Variants in SMPD3 observed in about 807,000 individuals in gnomAD.
SMPD3 encodes the protein nSMase-2.
Under a neutral mutation model 55.7 loss-of-function variants are expected in SMPD3, and 21 were observed. The observed-to-expected ratio is 0.38, with a 90% confidence interval of 0.27 to 0.54. The LOEUF (loss-of-function observed/expected upper bound fraction) is 0.54. SMPD3 is among the 20% of genes least tolerant of loss of function. SMPD3 has a pLI of 0.80. For missense variants in SMPD3, 842 were observed against 899.6 expected (o/e 0.94, Z 0.82); for synonymous variants, 457 against 404.3 (o/e 1.13, Z -1.56).
At chr16:68,446,484 T>TACACACACACAC (rs3978672) in intron 1 of SMPD3, among the ~76,000 whole-genome samples, 2 of 143,772 alleles carry the variant, frequency 1.4e-5, no homozygotes, top group African/African-American at 2.6e-5. Flanking sequence ...GTGGTTCATC[T>TACACACACACAC]ACACACACAC....
intron 7 of SMPD3, 33 bp from the exon 8 acceptor site, chr16:68,361,792 C>CAT: frequency 6.2e-7 from 1 of 1,604,790 alleles, no homozygotes; most frequent in Non-Finnish European, 8.5e-7. Flanking sequence ...GGTGGGCCCC[C>CAT]ATGCCCGCCC....
chr16:68,372,263 G>A lies in SMPD3; in HGVS notation c.-82C>T, dbSNP rs1183508138. The A allele has an allele frequency of 9.7e-6, 15 of 1,546,424 alleles. No individual in the cohort carries two copies. Among genetic ancestry groups the A allele is most frequent in the East Asian group, 9.4e-5 (4 of 42,742 alleles). ...GGCACTTTCCTGGGCGAGGGTGGGC[G>A]AGTTGGGGGCAGCTGGAGGAGGGGT... On this transcript the variant is annotated 5_prime_UTR_variant, in exon 3 of 9. Coordinates refer to ENST00000219334, the MANE Select transcript of SMPD3 (RefSeq NM_018667.4).
Position 68,447,101 on chromosome 16 carries a change from C to T in SMPD3, c.-269+1252G>A, listed in dbSNP as rs1222179542. Among the ~76,000 whole-genome samples, 2 of 151,834 alleles carry T rather than the reference C, an allele frequency of 1.3e-5. No individual in the cohort carries two copies. Among genetic ancestry groups the T allele is most frequent in the Non-Finnish European group, 2.9e-5 (2 of 67,908 alleles). On this transcript the variant is annotated intron_variant, in intron 1 of 8. Transcript: ENST00000219334. The surrounding 1 kb of genome is among the most constrained non-coding windows in gnomAD (Gnocchi z 5.1). ...CCGAAGCCCCCCCTCCGCGGCCGCG[C>T]CCCCCGCCCAGCCCGCGGCGCAGGC...
chr16:68,388,564 A>G (rs757160939), intron 1 of SMPD3, among the ~76,000 whole-genome samples: 1 of 152,094 alleles, frequency 6.6e-6, no homozygotes, highest in Admixed American at 6.5e-5. Context: ...CTGAGTGAGA[A>G]GTTTGTCAAG....
chr16:68,369,520 G>A (rs1339280188), intron 3 of SMPD3: 4 of 152,186 alleles, frequency 2.6e-5, no homozygotes, highest in Admixed American at 6.5e-5. Context: ...GTGGGAGTAA[G>A]GGGCACATCC....
At chr16:68,363,249 C>G (rs890452285) in intron 7 of SMPD3, among the ~76,000 whole-genome samples, 8 of 152,094 alleles carry the variant, frequency 5.3e-5, no homozygotes, top group Non-Finnish European at 1.0e-4. Context: ...CTCCTGAAAA[C>G]AGGTTTGGGA....
intron 1 of SMPD3, among the ~76,000 whole-genome samples, chr16:68,440,971 A>C (rs566079923): frequency 6.6e-6 from 1 of 152,210 alleles, no homozygotes; most frequent in Admixed American, 6.5e-5. Context: ...TCTTTCCTCG[A>C]CATCATTATC....
chr16:68,369,567 C>T (rs1192358351), intron 3 of SMPD3: 1 of 152,254 alleles, frequency 6.6e-6, no homozygotes, highest in Non-Finnish European at 1.5e-5. Flanking sequence ...CCCTTCCTCC[C>T]CAGAAAGTCA....
intron 2 of SMPD3, among the ~76,000 whole-genome samples, chr16:68,374,388 AAATGCCTTT>A (rs2089755100): frequency 6.6e-6 from 1 of 152,196 alleles, no homozygotes; most frequent in African/African-American, 2.4e-5. Flanking sequence ...TCCTCAGGGG[AAATGCCTTT>A]GAAGCCAACA....
chr16:68,395,081 G>A (rs2090143971), intron 1 of SMPD3, among the ~76,000 whole-genome samples: 1 of 151,524 alleles, frequency 6.6e-6, no homozygotes, highest in Non-Finnish European at 1.5e-5. Context: ...TCCTAAGGGG[G>A]CTGGAATTGG....
intron 1 of SMPD3, among the ~76,000 whole-genome samples, chr16:68,430,606 C>G (rs191326912): frequency 8.4e-4 from 128 of 152,238 alleles, no homozygotes; most frequent in Admixed American, 4.1e-3. Flanking sequence ...AAGCACTGGG[C>G]TAATTTCTAG....
intron 1 of SMPD3, among the ~76,000 whole-genome samples, chr16:68,434,607 T>TC (rs1476955319): frequency 2.0e-5 from 3 of 152,220 alleles, no homozygotes; most frequent in Non-Finnish European, 4.4e-5. Flanking sequence ...ACATTTATCG[T>TC]CATAACCATT....
intron 6 of SMPD3, 88 bp from the exon 7 acceptor site, chr16:68,363,647 T>G: frequency 6.8e-7 from 1 of 1,466,992 alleles, no homozygotes; most frequent in Non-Finnish European, 9.4e-7. Context: ...GACACGGGCT[T>G]CTGCTAGCCA....
At chr16:68,426,458 T>C (rs1169609444) in intron 1 of SMPD3, among the ~76,000 whole-genome samples, 1 of 152,204 alleles carries the variant, frequency 6.6e-6, no homozygotes, top group Non-Finnish European at 1.5e-5. Flanking sequence ...CACAGTGGCC[T>C]GGAGCTGACT....
chr16:68,438,553 T>A (rs16957947), intron 1 of SMPD3, among the ~76,000 whole-genome samples: 3,245 of 152,284 alleles, frequency 0.021, 118 homozygotes, highest in African/African-American at 0.073. Context: ...CTAACACTTG[T>A]TAGTCTGACA....
chr16:68,435,827 C>T (rs536893306), intron 1 of SMPD3, among the ~76,000 whole-genome samples: 1 of 152,350 alleles, frequency 6.6e-6, no homozygotes, highest in Admixed American at 6.5e-5. Flanking sequence ...GTGCACTGGT[C>T]AGTGCTATGG....
At chr16:68,405,859 G>A (rs1419934993) in intron 1 of SMPD3, among the ~76,000 whole-genome samples, 1 of 152,174 alleles carries the variant, frequency 6.6e-6, no homozygotes, top group African/African-American at 2.4e-5. Context: ...CCTCTCAGCT[G>A]AGCCTGATCC....
chr16:68,365,761 C>T (rs887090200), intron 3 of SMPD3, among the ~76,000 whole-genome samples: 2 of 152,184 alleles, frequency 1.3e-5, no homozygotes, highest in East Asian at 1.9e-4. Flanking sequence ...CTTCAGGTCT[C>T]CCCTCTGCCC....
intron 3 of SMPD3, 140 bp from the exon 4 acceptor site, chr16:68,365,232 G>GGGTCAGTGCTGCC: frequency 1.3e-6 from 1 of 785,684 alleles, no homozygotes. Context: ...TCCGAGTAGG[G>GGGTCAGTGCTGCC]ACAGGATGTG....
Sources: allele counts gnomAD v4.1 joint callset (sites outside exome capture counted in the v4.1 genomes callset), GRCh38; gene constraint gnomAD v4.1.1; non-coding constraint Gnocchi (gnomAD v3.1); transcripts MANE v1.5; gene names NCBI Gene and HGNC (gene_info 2026-07-23, HGNC 2026-07-21).